BTBD8: variants seen among roughly 807,000 people sequenced by gnomAD.
BTBD8 encodes BTB domain containing 8, also known as BTB/POZ domain-containing protein 8.
BTBD8 carries 110 observed loss-of-function variants against 162.9 expected under a neutral mutation model. The ratio of observed to expected loss-of-function variants is 0.68; its 90% CI spans 0.58 to 0.79. The LOEUF (loss-of-function observed/expected upper bound fraction) is 0.79, where lower values mean the gene tolerates loss of function less well. BTBD8 is among the 30% of genes least tolerant of loss of function. The pLI is 0.00. For synonymous variants in BTBD8, 667 were observed against 716.1 expected, an observed-to-expected ratio of 0.93 and a Z score of 1.10; for missense variants, 1,905 against 2,085.4, an observed-to-expected ratio of 0.91 and a Z score of 1.68.
chr1:92,179,954 C>T (rs973459192), intron 16 of BTBD8, among the ~76,000 whole-genome samples: 4 of 152,048 alleles, frequency 2.6e-5, no homozygotes, highest in South Asian at 4.1e-4. Context: ...TTTTCACCCT[C>T]ATATATTTTT....
At chr1:92,151,352 C>CAAA (rs11406119) in intron 9 of BTBD8, among the ~76,000 whole-genome samples, 4 of 127,918 alleles carry the variant, frequency 3.1e-5, no homozygotes, top group African/African-American at 5.9e-5. Flanking sequence ...GAAACTGTCT[C>CAAA]AAAAAAAAAA....
intron 4 of BTBD8, among the ~76,000 whole-genome samples, chr1:92,124,853 A>G (rs1649310280): frequency 6.6e-6 from 1 of 152,178 alleles, no homozygotes; most frequent in Non-Finnish European, 1.5e-5. Flanking sequence ...TCCTTTCTTG[A>G]ACATAATTAT....
intron 2 of BTBD8, among the ~76,000 whole-genome samples, chr1:92,091,346 C>T (rs1570713642): frequency 6.6e-6 from 1 of 152,154 alleles, no homozygotes; most frequent in African/African-American, 2.4e-5. Context: ...TCCATGCCTT[C>T]CTGTACAGCC....
intron 4 of BTBD8, among the ~76,000 whole-genome samples, chr1:92,114,413 G>GC (rs1242875838): frequency 3.3e-5 from 5 of 151,920 alleles, no homozygotes; most frequent in African/African-American, 1.2e-4. Context: ...CAAACATATT[G>GC]TTTTTATAAT....
intron 2 of BTBD8, among the ~76,000 whole-genome samples, chr1:92,101,520 C>T (rs1307383343): frequency 1.3e-5 from 2 of 152,214 alleles, no homozygotes. Context: ...GGAACCTCCA[C>T]CTGCCACACA....
intron 10 of BTBD8, 113 bp downstream of exon 10, chr1:92,167,253 A>G (rs1286815235): frequency 7.7e-7 from 1 of 1,297,008 alleles, no homozygotes; most frequent in East Asian, 2.5e-5. Flanking sequence ...TGATTTAAAT[A>G]AACTCCATAG....
chr1:92,134,069 CAG>C (rs1649573618), intron 5 of BTBD8, among the ~76,000 whole-genome samples: 1 of 152,048 alleles, frequency 6.6e-6, no homozygotes, highest in Non-Finnish European at 1.5e-5. Context: ...CTCTAGCAGA[CAG>C]AAAGGGAAAA....
chr1:92,167,203 A>G (rs1650406651), intron 10 of BTBD8, 63 bp downstream of exon 10: 1 of 1,515,776 alleles, frequency 6.6e-7, no homozygotes, highest in Admixed American at 2.2e-5. Flanking sequence ...TCAATTATGT[A>G]AGAGCTTTTA....
At chr1:92,134,687 CACTAGAATGTT>C (rs1388393693) in intron 5 of BTBD8, among the ~76,000 whole-genome samples, 1 of 152,016 alleles carries the variant, frequency 6.6e-6, no homozygotes, top group Admixed American at 6.6e-5. Context: ...CATGTCCTTC[CACTAGAATGTT>C]AAACTTCTTA....
intron 13 of BTBD8, among the ~76,000 whole-genome samples, chr1:92,175,445 C>G (rs1422133218): frequency 3.9e-5 from 5 of 128,800 alleles, no homozygotes; most frequent in Non-Finnish European, 7.8e-5. Context: ...TGCCACTGTA[C>G]TCCAGCCTGG....
chr1:92,145,273 A>G (rs539661247), intron 7 of BTBD8, among the ~76,000 whole-genome samples: 1 of 152,232 alleles, frequency 6.6e-6, no homozygotes, highest in East Asian at 1.9e-4. Context: ...CCTACATTCA[A>G]TTTTTTTAAT....
chr1:92,149,935 T>C, intron 9 of BTBD8, among the ~76,000 whole-genome samples: 1 of 152,138 alleles, frequency 6.6e-6, no homozygotes, highest in East Asian at 1.9e-4. Context: ...GTTCTCACTC[T>C]CCCCAACATT....
At position 92,128,020 on chromosome 1, in the gene BTBD8, A is replaced by T. The variant is rs60531456; in HGVS notation, c.663-1667A>T. On this transcript the variant is annotated intron_variant, in intron 4 of 17. Transcript: ENST00000636805. ...CTATCTGGCATTTATTTCTCTAGCA[A>T]ACTTTTTAAAAAGTGAACTTATGTT... Among the ~76,000 whole-genome samples, 6 of 152,298 alleles carry T rather than the reference A, an allele frequency of 3.9e-5. No homozygotes were observed. In the South Asian group the frequency reaches 1.2e-3, roughly 32 times the overall value.
chr1:92,166,920 A>G, intron 9 of BTBD8, 38 bp from the exon 10 acceptor site: 1 of 1,509,284 alleles, frequency 6.6e-7, no homozygotes, highest in Non-Finnish European at 8.9e-7. Context: ...TATTAGCAGT[A>G]ATAGCATCTA....
chr1:92,140,986 G>A, intron 6 of BTBD8, 129 bp from the exon 7 acceptor site: 4 of 1,076,316 alleles, frequency 3.7e-6, no homozygotes, highest in Non-Finnish European at 1.2e-6. Flanking sequence ...ATGTAAGGCA[G>A]AAAATTAGAA....
chr1:92,125,618 T>C, intron 4 of BTBD8: 1 of 280,686 alleles, frequency 3.6e-6, no homozygotes, highest in East Asian at 1.0e-4. Flanking sequence ...GAAGTCTACA[T>C]GGAGGAAGAT....
intron 5 of BTBD8, among the ~76,000 whole-genome samples, chr1:92,130,663 G>C (rs146422616): frequency 1.3e-5 from 2 of 151,800 alleles, no homozygotes; most frequent in East Asian, 3.9e-4. Context: ...TGTTTAAACT[G>C]TTAATATGCA....
chr1:92,164,133 A>G (rs957367200), intron 9 of BTBD8, among the ~76,000 whole-genome samples: 1 of 152,238 alleles, frequency 6.6e-6, no homozygotes, highest in Admixed American at 6.5e-5. Context: ...TAGACGAATT[A>G]TAGCAAAGTA....
chr1:92,105,455 G>A (rs909827657), intron 3 of BTBD8, among the ~76,000 whole-genome samples: 12 of 151,626 alleles, frequency 7.9e-5, no homozygotes, highest in African/African-American at 1.9e-4. Context: ...GTTTCCCTGC[G>A]TTGCCCAGGC....
Sources: gnomAD v4.1 joint callset for allele counts (sites outside exome capture counted in the v4.1 genomes callset) on GRCh38, gnomAD v4.1.1 for gene constraint, MANE v1.5 for transcripts, NCBI Gene and HGNC (gene_info 2026-07-23, HGNC 2026-07-21) for gene names.